The following PCMT1 variants were observed in gnomAD, a reference collection of about 807,000 sequenced individuals.
The protein encoded by PCMT1 is protein-L-isoaspartate (D-aspartate) O-methyltransferase, also known as protein-L-isoaspartate(D-aspartate) O-methyltransferase.
A neutral mutation model predicts 29.2 loss-of-function variants in PCMT1; 9 were observed. The ratio of observed to expected loss-of-function variants is 0.31; its 90% confidence interval spans 0.19 to 0.54. The LOEUF is 0.54. Among genes scored for constraint, PCMT1 ranks in the 20% least tolerant of loss-of-function variants. The pLI, the probability that PCMT1 is intolerant of heterozygous loss-of-function variation, is 0.95. For synonymous variants in PCMT1, 98 were observed against 97.5 expected (o/e 1.00, Z -0.03); for missense variants, 184 against 282.2 (o/e 0.65, Z 2.49).
At position 149,749,819 on chromosome 6, in the gene PCMT1, AGGT is replaced by A. The variant is rs1243998176; in HGVS notation, c.-79_-77del. 6.4e-7 allele frequency: 1 copy of A among 1,557,478 alleles called. No individual in the cohort carries two copies. On this transcript the variant is annotated 5_prime_UTR_variant, in exon 1 of 8. Transcript: ENST00000464889. ...GCGAGCGGGGCGGTGACGGTGTGGG[AGGT>A]GGTCTCACTCTTGGGAAAACTGCTG...
intron 3 of PCMT1, among the ~76,000 whole-genome samples, chr6:149,786,604 G>T (rs1308546179): frequency 7.1e-6 from 1 of 140,700 alleles, no homozygotes; most frequent in Non-Finnish European, 1.5e-5. Flanking sequence ...CAGATGGGGC[G>T]GCCGGGCAGA....
chr6:149,767,819 C>A (rs1408732248), intron 1 of PCMT1, among the ~76,000 whole-genome samples: 2 of 146,544 alleles, frequency 1.4e-5, no homozygotes, highest in Non-Finnish European at 3.0e-5. Flanking sequence ...TTTGAGATGA[C>A]GTCTTGCTCT....
In PCMT1 at chr6:149,770,947, C is replaced by T. The variant is rs1051177068; in HGVS notation, c.56-215C>T. On this transcript the variant is annotated intron_variant, in intron 1 of 7. Coordinates refer to ENST00000464889, the MANE Select transcript of PCMT1 (RefSeq NM_001360452.2). ...CCAGGAGGCAGAGCTTGCAGTGAGC[C>T]GAGATTGCGCCACTGCACTCCAGCC... Among the ~76,000 whole-genome samples, 7 of 151,502 alleles carry T rather than the reference C, an allele frequency of 4.6e-5. No homozygotes were observed. The East Asian group carries it at 5.8e-4, about 13-fold the overall frequency.
At chr6:149,768,076 G>T (rs995352520) in intron 1 of PCMT1, among the ~76,000 whole-genome samples, 1 of 151,356 alleles carries the variant, frequency 6.6e-6, no homozygotes, top group Admixed American at 6.6e-5. Context: ...TTACAGGCAT[G>T]AGCCACCATG....
At chr6:149,761,257 ATGTGTGTGTG>A (rs75507681) in intron 1 of PCMT1, among the ~76,000 whole-genome samples, 1 of 146,988 alleles carries the variant, frequency 6.8e-6, no homozygotes, top group African/African-American at 2.5e-5. Flanking sequence ...TGTAAGGGTG[ATGTGTGTGTG>A]TGTGTGTGTG....
Position 149,802,430 on chromosome 6 carries a change from G to C in PCMT1, c.*37+14G>C, listed in dbSNP as rs531594379. The C allele has an allele frequency of 7.2e-6, 11 of 1,530,546 alleles. No homozygotes were observed. The Admixed American group carries it at 1.6e-4, about 22-fold the overall frequency. The allele number at this position is 1,530,546 out of a possible 1,614,324, so 94.8% of individuals were successfully genotyped here. On this transcript the variant is annotated intron_variant, in intron 7 of 7. Coordinates refer to ENST00000464889, the MANE Select transcript of PCMT1 (RefSeq NM_001360452.2). The stretch of plus-strand genomic sequence containing the variant: ...CACACATGCAAGGTGAAAGGGTGTG[G>C]ATTTTAAGACATTAGACTACAAGAG...
At chr6:149,750,433 C>T (rs893765817) in intron 1 of PCMT1, among the ~76,000 whole-genome samples, 3 of 152,120 alleles carry the variant, frequency 2.0e-5, no homozygotes, top group Admixed American at 2.0e-4. Context: ...CCCTCTTATG[C>T]AGCCTCCCCC....
At chr6:149,802,121 C>A (rs1775844708) in intron 6 of PCMT1, 79 bp from the exon 7 acceptor site, 5 of 1,019,440 alleles carry the variant, frequency 4.9e-6, no homozygotes, top group Non-Finnish European at 6.9e-6. Context: ...AGAGTGAGAC[C>A]CTGTCTCAAA....
At position 149,810,815 on chromosome 6, in the gene PCMT1, G is replaced by A. The variant is rs1298983455; in HGVS notation, c.*237G>A. ...GAGGCACAGAGCCAAATTGGTAGAG[G>A]AAGGATGCAAAGTATAAATTTGTGT... On this transcript the variant is annotated 3_prime_UTR_variant, in exon 8 of 8. Transcript: ENST00000464889. 2.1e-6 allele frequency: 1 copy of A among 474,114 alleles called. No individual in the cohort carries two copies. The allele number at this position is 474,114 out of a possible 1,614,324, so 29.4% of individuals were successfully genotyped here.
chr6:149,795,150 G>A (rs921617204), intron 5 of PCMT1: 4 of 301,236 alleles, frequency 1.3e-5, no homozygotes, highest in Admixed American at 4.9e-5. Flanking sequence ...CTGAGATCAC[G>A]CCATTGCACT....
At chr6:149,795,205 A>G in intron 5 of PCMT1, 1 of 369,074 alleles carries the variant, frequency 2.7e-6, no homozygotes, top group Non-Finnish European at 5.1e-6. Flanking sequence ...AAAAAAAAAA[A>G]AAGAAATGTT....
chr6:149,770,664 C>T (rs1787277369), intron 1 of PCMT1, among the ~76,000 whole-genome samples: 1 of 146,954 alleles, frequency 6.8e-6, no homozygotes, highest in African/African-American at 2.5e-5. Context: ...CGAGATCGCA[C>T]CACTGCACTC....
intron 5 of PCMT1, among the ~76,000 whole-genome samples, chr6:149,795,957 G>A (rs372752822): frequency 1.5e-4 from 23 of 152,246 alleles, no homozygotes; most frequent in African/African-American, 3.4e-4. Flanking sequence ...GAGTGTGAAC[G>A]TCAGAGGTGG....
chr6:149,775,959 A>G (rs1374216663), intron 3 of PCMT1, among the ~76,000 whole-genome samples: 1 of 152,124 alleles, frequency 6.6e-6, no homozygotes, highest in Admixed American at 6.5e-5. Context: ...TGGGAGTTTG[A>G]GACCAGCCTC....
At chr6:149,770,351 G>A (rs1787260452) in intron 1 of PCMT1, among the ~76,000 whole-genome samples, 1 of 152,036 alleles carries the variant, frequency 6.6e-6, no homozygotes, top group African/African-American at 2.4e-5. Context: ...CAGTCAGTCA[G>A]GTATATATTA....
At chr6:149,792,997 C>T (rs1788435379) in intron 4 of PCMT1, among the ~76,000 whole-genome samples, 1 of 151,860 alleles carries the variant, frequency 6.6e-6, no homozygotes, top group African/African-American at 2.4e-5. Context: ...CCTGTCTCTA[C>T]TAAAAATACA....
intron 1 of PCMT1, among the ~76,000 whole-genome samples, chr6:149,767,602 G>A (rs1787144629): frequency 6.6e-6 from 1 of 151,488 alleles, no homozygotes; most frequent in African/African-American, 2.4e-5. Context: ...ACAGGTATGC[G>A]TCACTACGTC....
rs757541667 is a variant in PCMT1 at position 149,781,192 on chromosome 6, TTTTTTTTTTTTG to T, written c.192+8035_192+8046del. On this transcript the variant is annotated intron_variant, in intron 3 of 7. Coordinates refer to ENST00000464889, the MANE Select transcript of PCMT1 (RefSeq NM_001360452.2). ...ATTCAGTCTCTTACCCCTTTCTTGT[TTTTTTTTTTTTG>T]TTTTTTTTTTTTAGATAATTAAAAC... Among the ~76,000 whole-genome samples the T allele has an allele frequency of 8.0e-3, 316 of 39,582 alleles. No individual in the cohort carries two copies. In the African/African-American group the frequency reaches 0.11, roughly 14 times the overall value. The allele number at this position is 39,582 out of a possible 152,430, so 26.0% of individuals were successfully genotyped here.
intron 3 of PCMT1, among the ~76,000 whole-genome samples, chr6:149,775,195 CT>C (rs1377121407): frequency 1.4e-4 from 22 of 152,170 alleles, no homozygotes; most frequent in African/African-American, 5.1e-4. Flanking sequence ...TGGAGAAGCT[CT>C]TATTTAAACT....
Sources: allele counts gnomAD v4.1 joint callset (sites outside exome capture counted in the v4.1 genomes callset), GRCh38; gene constraint gnomAD v4.1.1; transcripts MANE v1.5; gene names NCBI Gene and HGNC (gene_info 2026-07-23, HGNC 2026-07-21).